LCLAT1: variants seen among roughly 807,000 people sequenced by gnomAD.
LCLAT1 encodes the protein lysocardiolipin acyltransferase 1.
LCLAT1 carries 11 observed loss-of-function variants against 30.7 expected under a neutral mutation model. The observed-to-expected ratio is 0.36, with a 90% CI of 0.23 to 0.59. The LOEUF is 0.59. LCLAT1 is among the 20% of genes least tolerant of loss of function. LCLAT1 has a pLI of 0.77. For missense variants in LCLAT1, 402 were observed against 458.6 expected, an observed-to-expected ratio of 0.88 and a Z score of 1.13; for synonymous variants, 155 against 151.3, an observed-to-expected ratio of 1.02 and a Z score of -0.18.
intron 4 of LCLAT1, among the ~76,000 whole-genome samples, chr2:30,564,871 A>G (rs1267974167): frequency 2.0e-5 from 3 of 152,112 alleles, no homozygotes; most frequent in Non-Finnish European, 4.4e-5. Context: ...TTCTATCTTC[A>G]TATTTTATTG....
At chr2:30,502,774 GA>G (rs996516698) in intron 1 of LCLAT1, among the ~76,000 whole-genome samples, 31 of 152,210 alleles carry the variant, frequency 2.0e-4, no homozygotes, top group African/African-American at 7.5e-4. Flanking sequence ...TTCAACAAGT[GA>G]AGTCTATTTG....
intron 1 of LCLAT1, among the ~76,000 whole-genome samples, chr2:30,515,922 A>C (rs1685157793): frequency 6.6e-6 from 1 of 152,156 alleles, no homozygotes. Flanking sequence ...TTGGTGTGCT[A>C]TACATTACGT....
chr2:30,522,056 G>A (rs1685504017), intron 1 of LCLAT1, among the ~76,000 whole-genome samples: 1 of 152,186 alleles, frequency 6.6e-6, no homozygotes, highest in African/African-American at 2.4e-5. Flanking sequence ...TGAGTAGTAT[G>A]CCATTGTGTG....
intron 2 of LCLAT1, among the ~76,000 whole-genome samples, chr2:30,530,613 A>T (rs1685935480): frequency 6.6e-6 from 1 of 152,170 alleles, no homozygotes; most frequent in African/African-American, 2.4e-5. Context: ...TGGTGCAGTC[A>T]GATCTCACTG....
At chr2:30,469,659 A>G (rs1160233256) in intron 1 of LCLAT1, among the ~76,000 whole-genome samples, 6 of 149,298 alleles carry the variant, frequency 4.0e-5, no homozygotes, top group Non-Finnish European at 8.9e-5. Context: ...ACTCACTACA[A>G]CCTCCGCCTC....
chr2:30,454,039 A>C (rs1389882405), intron 1 of LCLAT1, among the ~76,000 whole-genome samples: 1 of 152,230 alleles, frequency 6.6e-6, no homozygotes, highest in Non-Finnish European at 1.5e-5. Context: ...GTTTTAATGT[A>C]CTGTAAATTT....
chr2:30,536,963 G>C (rs562259631), intron 3 of LCLAT1, among the ~76,000 whole-genome samples: 4 of 152,316 alleles, frequency 2.6e-5, no homozygotes, highest in African/African-American at 7.2e-5. Flanking sequence ...ACTATATGCT[G>C]CCTGCAAGAA....
Position 30,611,324 on chromosome 2 carries a change from C to A in LCLAT1, c.629-28793C>A, listed in dbSNP as rs983888144. 2.0e-5 allele frequency among the ~76,000 whole-genome samples: 3 copies of A among 151,984 alleles called. No homozygotes were observed. The East Asian group carries it at 5.8e-4, about 29-fold the overall frequency. On this transcript the variant is annotated intron_variant, in intron 5 of 5. Coordinates refer to ENST00000379509, the MANE Select transcript of LCLAT1 (RefSeq NM_001002257.3). ...TTCTTGAAAATAAACTATATAATGT[C>A]CTAATTATAATTTAGCTCCAGTTTT...
chr2:30,485,185 A>G (rs965774352), intron 1 of LCLAT1, among the ~76,000 whole-genome samples: 3 of 152,166 alleles, frequency 2.0e-5, no homozygotes, highest in Admixed American at 6.5e-5. Context: ...AACTTTAGGA[A>G]TTATCAGCAG....
At chr2:30,480,353 G>A (rs1240293206) in intron 1 of LCLAT1, among the ~76,000 whole-genome samples, 1 of 152,004 alleles carries the variant, frequency 6.6e-6, no homozygotes, top group Admixed American at 6.6e-5. Flanking sequence ...ACCATGCTCG[G>A]CTAATTTTTA....
chr2:30,604,312 A>T (rs1667327088), intron 5 of LCLAT1, among the ~76,000 whole-genome samples: 1 of 150,982 alleles, frequency 6.6e-6, no homozygotes, highest in Non-Finnish European at 1.5e-5. Flanking sequence ...TAGAGAAAAG[A>T]CGACTAAGAG....
chr2:30,465,428 C>T (rs145202321), intron 1 of LCLAT1, among the ~76,000 whole-genome samples: 5 of 152,210 alleles, frequency 3.3e-5, no homozygotes, highest in South Asian at 2.1e-4. Flanking sequence ...CTTTTTTTGG[C>T]CTCTAGGAGT....
intron 2 of LCLAT1, among the ~76,000 whole-genome samples, chr2:30,531,648 A>C (rs1225686295): frequency 6.6e-6 from 1 of 152,198 alleles, no homozygotes; most frequent in Non-Finnish European, 1.5e-5. Context: ...TACTTAGCCC[A>C]AATGATTTTG....
At chr2:30,636,382 G>A (rs1014701115) in intron 5 of LCLAT1, among the ~76,000 whole-genome samples, 1 of 152,270 alleles carries the variant, frequency 6.6e-6, no homozygotes, top group East Asian at 1.9e-4. Flanking sequence ...GGTAAAGTTA[G>A]AGAAAAAGGG....
At chr2:30,631,439 CTGAA>C (rs1668767135) in intron 5 of LCLAT1, among the ~76,000 whole-genome samples, 7 of 152,232 alleles carry the variant, frequency 4.6e-5, no homozygotes, top group Admixed American at 3.3e-4. Flanking sequence ...GAGGAGTAGA[CTGAA>C]TGTTAGAAAA....
chr2:30,548,853 G>A (rs1664548691), intron 3 of LCLAT1, among the ~76,000 whole-genome samples: 2 of 152,074 alleles, frequency 1.3e-5, no homozygotes, highest in African/African-American at 2.4e-5. Flanking sequence ...AATATACAGG[G>A]TTAAACAAAG....
intron 1 of LCLAT1, chr2:30,459,411 T>A: frequency 1.8e-6 from 1 of 550,994 alleles, no homozygotes; most frequent in Non-Finnish European, 3.2e-6. Flanking sequence ...TGAGTTGCCC[T>A]GTGCATTAAT....
intron 1 of LCLAT1, among the ~76,000 whole-genome samples, chr2:30,511,311 G>C (rs1326413787): frequency 6.6e-6 from 1 of 152,140 alleles, no homozygotes; most frequent in Non-Finnish European, 1.5e-5. Context: ...CACCGCGCCT[G>C]GCCTGTTTCT....
chr2:30,587,905 A>G (rs1339129152), intron 5 of LCLAT1, among the ~76,000 whole-genome samples: 1 of 152,220 alleles, frequency 6.6e-6, no homozygotes, highest in Non-Finnish European at 1.5e-5. Flanking sequence ...AATGTCCCCA[A>G]GTCTTCCTAG....
Sources: allele counts gnomAD v4.1 joint callset (sites outside exome capture counted in the v4.1 genomes callset), GRCh38; gene constraint gnomAD v4.1.1; transcripts MANE v1.5; gene names NCBI Gene and HGNC (gene_info 2026-07-23, HGNC 2026-07-21).